Variants in N4BP2L2 observed in about 807,000 individuals in gnomAD.
The protein encoded by N4BP2L2 is NEDD4-binding protein 2-like 2.
A neutral mutation model predicts 56.2 loss-of-function variants in N4BP2L2; 50 were observed. The observed-to-expected ratio is 0.89, with a 90% confidence interval of 0.71 to 1.13. The LOEUF (loss-of-function observed/expected upper bound fraction) is 1.13, where lower values mean the gene tolerates loss of function less well. N4BP2L2 is among the 50% of genes most tolerant of loss of function. The pLI is 0.00. For missense variants in N4BP2L2, 689 were observed against 693.8 expected, an observed-to-expected ratio of 0.99 and a Z score of 0.08; for synonymous variants, 203 against 223.6, an observed-to-expected ratio of 0.91 and a Z score of 0.82.
intron 2 of N4BP2L2, among the ~76,000 whole-genome samples, chr13:32,528,493 C>A (rs1372391378): frequency 6.6e-6 from 1 of 152,136 alleles, no homozygotes; most frequent in Non-Finnish European, 1.5e-5. Context: ...ACGATACTGC[C>A]TTAAATTGAC....
exon 6 of N4BP2L2, chr13:32,516,854 T>C (rs1183304883): frequency 1.0e-6 from 1 of 976,228 alleles, no homozygotes; most frequent in Non-Finnish European, 1.2e-6. Context: ...AGGTAAAGCT[T>C]GGTTTGAAGG....
chr13:32,535,031 T>C (rs1030261095), intron 2 of N4BP2L2, among the ~76,000 whole-genome samples: 1 of 152,216 alleles, frequency 6.6e-6, no homozygotes, highest in African/African-American at 2.4e-5. Context: ...TCCTGAATTT[T>C]AAGAAATCAA....
chr13:32,466,064 A>G (rs1359925088), intron 6 of N4BP2L2, among the ~76,000 whole-genome samples: 1 of 152,224 alleles, frequency 6.6e-6, no homozygotes, highest in Non-Finnish European at 1.5e-5. Flanking sequence ...CCTACAATTT[A>G]AAAACTACTA....
At chr13:32,494,932 C>A (rs1021937321) in intron 6 of N4BP2L2, among the ~76,000 whole-genome samples, 12 of 152,190 alleles carry the variant, frequency 7.9e-5, no homozygotes, top group Non-Finnish European at 1.8e-4. Context: ...AGTCTTCAGA[C>A]TTCTCCCTAA....
intron 6 of N4BP2L2, among the ~76,000 whole-genome samples, chr13:32,494,178 G>T (rs946655410): frequency 6.6e-6 from 1 of 152,072 alleles, no homozygotes; most frequent in Non-Finnish European, 1.5e-5. Context: ...AGCTACTCAG[G>T]TGGCTGAGGC....
chr13:32,443,318 A>G (rs2138305419), exon 7 of N4BP2L2: 1 of 1,613,988 alleles, frequency 6.2e-7, no homozygotes, highest in Non-Finnish European at 8.5e-7. Flanking sequence ...GCCAACTTAC[A>G]TGCTCTATCT....
At chr13:32,517,062 T>C in exon 6 of N4BP2L2, 1 of 972,850 alleles carries the variant, frequency 1.0e-6, no homozygotes, top group Non-Finnish European at 1.2e-6. Context: ...ATACTAGAAT[T>C]ATATCACATT....
At chr13:32,493,333 T>G (rs938702603) in intron 6 of N4BP2L2, among the ~76,000 whole-genome samples, 3 of 152,146 alleles carry the variant, frequency 2.0e-5, no homozygotes, top group African/African-American at 7.2e-5. Flanking sequence ...TGTGTATCAT[T>G]ATGTTGCACA....
At chr13:32,490,770 T>C (rs1016384486) in intron 6 of N4BP2L2, among the ~76,000 whole-genome samples, 1 of 152,076 alleles carries the variant, frequency 6.6e-6, no homozygotes, top group African/African-American at 2.4e-5. Flanking sequence ...CAGTTCACAA[T>C]AGAGTTTGTG....
At chr13:32,451,057 A>T (rs1235474124) in intron 6 of N4BP2L2, among the ~76,000 whole-genome samples, 2 of 152,070 alleles carry the variant, frequency 1.3e-5, no homozygotes, top group East Asian at 3.9e-4. Flanking sequence ...AAACATTCAC[A>T]TTAAAAAGGA....
exon 2 of N4BP2L2, chr13:32,536,961 A>T (rs1263581305): frequency 1.2e-6 from 2 of 1,612,738 alleles, no homozygotes; most frequent in African/African-American, 2.7e-5. Context: ...AATTTTTTAC[A>T]GCGTGGCTCA....
intron 6 of N4BP2L2, among the ~76,000 whole-genome samples, chr13:32,483,779 C>T (rs2085262735): frequency 6.6e-6 from 1 of 152,084 alleles, no homozygotes; most frequent in South Asian, 2.1e-4. Context: ...AATGATACTA[C>T]CAGGCTCACT....
At chr13:32,456,909 G>A (rs1195562518) in intron 6 of N4BP2L2, among the ~76,000 whole-genome samples, 1 of 152,098 alleles carries the variant, frequency 6.6e-6, no homozygotes, top group Non-Finnish European at 1.5e-5. Context: ...GCTGAGGTGA[G>A]TGGATCACTT....
intron 6 of N4BP2L2, among the ~76,000 whole-genome samples, chr13:32,463,734 A>G (rs917470337): frequency 6.6e-6 from 1 of 151,820 alleles, no homozygotes; most frequent in Non-Finnish European, 1.5e-5. Context: ...TTCTCACCAT[A>G]AACTACCAAG....
At position 32,532,463 on chromosome 13, in the gene N4BP2L2, AGACT is replaced by A. The variant is rs2055102940; in HGVS notation, c.1259+3302_1259+3305del. On this transcript the variant is annotated intron_variant, in intron 2 of 5. Transcript: ENST00000267068. ...AGATAGGGGCTTTAAATATTTTTCC[AGACT>A]GACAATCAAATATCCTATTACCATG... Among the ~76,000 whole-genome samples the A allele has an allele frequency of 2.6e-5, 4 of 152,230 alleles. No individual in the cohort carries two copies. In the South Asian group the frequency reaches 8.3e-4, roughly 32 times the overall value.
At chr13:32,536,869 A>G in exon 2 of N4BP2L2, 1 of 1,614,036 alleles carries the variant, frequency 6.2e-7, no homozygotes, top group Non-Finnish European at 8.5e-7. Context: ...CAGGGACCCA[A>G]TCATTTCCAG....
intron 6 of N4BP2L2, among the ~76,000 whole-genome samples, chr13:32,451,698 A>C: frequency 6.7e-6 from 1 of 149,288 alleles, no homozygotes; most frequent in Non-Finnish European, 1.5e-5. Context: ...ATGTGCCACC[A>C]TGCCCAGCTG....
intron 3 of N4BP2L2, chr13:32,523,136 A>C (rs1017672637): frequency 6.6e-6 from 1 of 152,224 alleles, no homozygotes; most frequent in Non-Finnish European, 1.5e-5. Flanking sequence ...CACACCTATA[A>C]TCCCAGCACT....
intron 7 of N4BP2L2, among the ~76,000 whole-genome samples, chr13:32,440,543 T>G (rs1165866767): frequency 6.6e-6 from 1 of 152,166 alleles, no homozygotes; most frequent in East Asian, 1.9e-4. Flanking sequence ...CTCAGTTCAC[T>G]GCAACCTCCG....
Sources: allele counts gnomAD v4.1 joint callset (sites outside exome capture counted in the v4.1 genomes callset), GRCh38; gene constraint gnomAD v4.1.1; transcripts MANE v1.5; gene names NCBI Gene and HGNC (gene_info 2026-07-23, HGNC 2026-07-21).